MED12: variants seen among roughly 807,000 people sequenced by gnomAD.
The protein encoded by MED12 is mediator of RNA polymerase II transcription subunit 12.
A neutral mutation model predicts 177.7 loss-of-function variants in MED12; 10 were observed. That is an observed-to-expected ratio of 0.06 (90% CI 0.03 to 0.10). The LOEUF is 0.10. Ranked by LOEUF, MED12 falls within the 10% of genes least tolerant of loss-of-function variation. The probability of loss-of-function intolerance (pLI) is 1.00; values close to 1 mark genes in which losing one functional copy is unlikely to be tolerated. For missense variants in MED12, 867 were observed against 1,780.8 expected (o/e 0.49, Z 9.23); for synonymous variants, 641 against 678.4 (o/e 0.94, Z 0.86).
At chrX:71,132,783 CTCTT>C (rs2092321563) in intron 31 of MED12, 58 bp from the exon 32 acceptor site, 1 of 319,970 alleles carries the variant, frequency 3.1e-6, no homozygotes, top group East Asian at 4.4e-5. Context: ...CTCTTCTCTT[CTCTT>C]CTCTTCTCTT....
intron 21 of MED12, 119 bp from the exon 22 acceptor site, chrX:71,127,774 G>C: frequency 1.7e-6 from 1 of 575,844 alleles, no homozygotes. Context: ...CCCTTTTCTT[G>C]TCTCAAGATC....
rs1458589762 is a variant in MED12, at chrX:71,128,332, C to T, written c.3246C>T (p.Thr1082=). 7 of 1,209,804 alleles carry T rather than the reference C, an allele frequency of 5.8e-6. No individual in the cohort carries two copies. The highest frequency in any genetic ancestry group is 1.8e-5 in the African/African-American group (1 of 57,050). The change falls in exon 23 of 45, where the codon ACC becomes ACT. Residue 1082 remains threonine (T), a synonymous_variant. Transcript: ENST00000374080. ...TCGCAATCCTGTGTGCAGAGCTGACCGGCTATTGCAAGTCACTGAGTGCAG... is the reference window on the plus strand; with the variant it reads ...TCGCAATCCTGTGTGCAGAGCTGACTGGCTATTGCAAGTCACTGAGTGCAG... The part of the protein sequence containing the change: ...NDIAILCAEL[T]GYCKSLSAEW...
Position 71,127,071 on chromosome X carries a change from C to G in MED12, c.2788C>G (p.Leu930Val), listed in dbSNP as rs2147798232. 8.3e-7 allele frequency: 1 copy of G among 1,211,855 alleles called. No individual in the cohort carries two copies. Among genetic ancestry groups the G allele is most frequent in the Non-Finnish European group, 1.1e-6 (1 of 895,306 alleles). ...TSLCLCIVAV[L>V]RHYHACLILN... ...CCTGTGCCTGTGCATCGTGGCTGTC[C>G]TGCGGCACTATCATGCCTGCCTCAT... Residue 930 changes from leucine to valine, a missense_variant, in exon 20 of 45, where the codon CTG becomes GTG. By Grantham distance (32) the Leu-to-Val change is conservative. Around this residue, in one of 14 missense-constraint regions of MED12, gnomAD observed 70 missense variants for 143.6 expected, o/e 0.49. Coordinates refer to ENST00000374080, the MANE Select transcript of MED12 (RefSeq NM_005120.3).
At chrX:71,129,026 A>G (rs2092310137) in intron 24 of MED12, 88 bp from the exon 25 acceptor site, 2 of 720,632 alleles carry the variant, frequency 2.8e-6, no homozygotes, top group Non-Finnish European at 2.2e-6. Flanking sequence ...CCCCTGCCAT[A>G]CACTTGCATG....
chrX:71,118,888 G>A, intron 1 of MED12, 35 bp downstream of exon 1: 1 of 1,151,091 alleles, frequency 8.7e-7, no homozygotes, highest in Non-Finnish European at 1.2e-6. Flanking sequence ...GAGGGGCCGG[G>A]GGCACGCGGT....
rs1001346525 is a variant in MED12 at position 71,121,311 on chromosome X, C to T, written c.736-16C>T. The T allele has an allele frequency of 3.3e-6, 4 of 1,200,429 alleles. No homozygotes were observed. The African/African-American group carries it at 7.1e-5, about 21-fold the overall frequency. On this transcript the variant is annotated splice_polypyrimidine_tract_variant and intron_variant, in intron 5 of 44. Coordinates refer to ENST00000374080, the MANE Select transcript of MED12 (RefSeq NM_005120.3). Reference sequence around the variant, plus strand: ...CATCTCTAATAGTCCCCTCTTCCCTCCCCTGGTACCCATAGGATGGAATGC... The same window carrying T: ...CATCTCTAATAGTCCCCTCTTCCCTTCCCTGGTACCCATAGGATGGAATGC...
In MED12 at chrX:71,130,187, G is replaced by T; in HGVS notation, c.4020G>T (p.Gln1340His). The T allele has an allele frequency of 1.7e-6, 2 of 1,208,879 alleles. No individual in the cohort carries two copies. Among genetic ancestry groups the T allele is most frequent in the Non-Finnish European group, 2.2e-6 (2 of 894,025 alleles). Residue 1340 changes from glutamine to histidine, a missense_variant, in exon 28 of 45, where the codon CAG becomes CAT. Transcript: ENST00000374080. ...ACAATGAGGATGGGGAAAACCCCCA[G>T]CGGCAGCGCATAAAGCGCATTCTCC... ...LLDNEDGENPQRQRIKRILQN... is the reference protein window; with the variant it reads ...LLDNEDGENPHRQRIKRILQN...
Position 71,121,674 on chromosome X carries a change from T to C in MED12, c.959T>C (p.Ile320Thr). 5 of 1,211,494 alleles carry C rather than the reference T, an allele frequency of 4.1e-6. No homozygotes were observed. The highest frequency in any genetic ancestry group is 5.6e-6 in the Non-Finnish European group (5 of 895,468). ...GTGAGCAGTCACTCATCTCATGTTA[T>C]ATCTGCTCAGTCAACAAGCACGCTA... ...DGVSSHSSHVISAQSTSTLPT... is the reference protein window; with the variant it reads ...DGVSSHSSHVTSAQSTSTLPT... The change falls in exon 7 of 45, where the codon ATA (isoleucine) becomes ACA (threonine). Residue 320 changes from isoleucine (I) to threonine (T), a missense_variant. Transcript: ENST00000374080.
At chrX:71,135,509 C>A (rs951491495) in intron 36 of MED12, among the ~76,000 whole-genome samples, 5 of 110,979 alleles carry the variant, frequency 4.5e-5, no homozygotes, top group African/African-American at 1.6e-4. Context: ...AATACCCTAC[C>A]CTCCTCTTTC....
At chrX:71,119,537 C>A (rs955962093) in intron 2 of MED12, 60 bp downstream of exon 2, 2 of 1,107,012 alleles carry the variant, frequency 1.8e-6, no homozygotes, top group African/African-American at 1.8e-5. Context: ...GGAGCAAAGG[C>A]CCTGGGTTGG....
chrX:71,133,215 GAGA>G lies in MED12; in HGVS notation c.4617+6_4617+8del. The G allele has an allele frequency of 1.7e-6, 2 of 1,174,900 alleles. No homozygotes were observed. Among genetic ancestry groups the G allele is most frequent in the Non-Finnish European group, 2.3e-6 (2 of 862,022 alleles). ...CACTCAAACTGCGGCTCAACCTGGT[GAGA>G]AGGCCAGCTGGGGAGAAGAAGGAAG... On this transcript the variant is annotated splice_donor_5th_base_variant and intron_variant, in intron 33 of 44. Transcript: ENST00000374080.
In MED12 at chrX:71,125,476, C is replaced by T. The variant is rs748753383; in HGVS notation, c.2352C>T (p.Arg784=). ...AGGATATCTTGAAGGTTCTGAACCG[C>T]AAAGGGACAGCAGAAACTGGTGGGT... ...ITKDILKVLN[R]KGTAETDQLA... is the part of the protein sequence containing the mutation. Residue 784 remains arginine (R), a synonymous_variant, in exon 16 of 45, where the codon CGC becomes CGT. Transcript: ENST00000374080. The T allele has an allele frequency of 8.3e-7, 1 of 1,210,950 alleles. No individual in the cohort carries two copies. The highest frequency in any genetic ancestry group is 2.2e-5 in the Admixed American group (1 of 45,983).
At chrX:71,137,135 G>T (rs369948433) in intron 38 of MED12, 52 bp from the exon 39 acceptor site, 3 of 1,198,522 alleles carry the variant, frequency 2.5e-6, no homozygotes, top group Admixed American at 2.2e-5. Flanking sequence ...AGGACACTGA[G>T]CAAGAGACAG....
In MED12 at chrX:71,134,867, G is replaced by A. The variant is rs1396684605; in HGVS notation, c.4863+19G>A. On this transcript the variant is annotated intron_variant, in intron 35 of 44. Transcript: ENST00000374080. ...GTTGCAGGTAAGCAGAGGAAGCGGGGGCAAGGTTTGCGGTTACTGGAATCT... is the reference window on the plus strand; with the variant it reads ...GTTGCAGGTAAGCAGAGGAAGCGGGAGCAAGGTTTGCGGTTACTGGAATCT... The A allele has an allele frequency of 2.3e-5, 28 of 1,208,512 alleles. No individual in the cohort carries two copies. The highest frequency in any genetic ancestry group is 3.0e-5 in the Non-Finnish European group (27 of 894,960).
intron 1 of MED12, 66 bp downstream of exon 1, chrX:71,118,919 A>C: frequency 1.1e-6 from 1 of 950,121 alleles, no homozygotes; most frequent in Non-Finnish European, 1.5e-6. Context: ...GGAGGCACTG[A>C]CGGCTGGGAA....
intron 28 of MED12, 144 bp downstream of exon 28, chrX:71,130,358 A>G: frequency 1.7e-6 from 1 of 604,549 alleles, no homozygotes; most frequent in Admixed American, 3.5e-5. Flanking sequence ...TAGCGAGAGA[A>G]ACAGCTCCAG....
Position 71,120,073 on chromosome X carries a change from T to C in MED12, c.456T>C (p.Pro152=). Residue 152 remains proline (P), a synonymous_variant, in exon 4 of 45, where the codon CCT becomes CCC. Transcript: ENST00000374080. ...GGTACTTAGCCAAATACACAGTGCC[T>C]GTGATGCGGGCTGCCTGGCTCATTA... ...VFGYLAKYTV[P]VMRAAWLIKM... is the part of the protein sequence containing the mutation. 8.3e-7 allele frequency: 1 copy of C among 1,211,508 alleles called. No homozygotes were observed. Among genetic ancestry groups the C allele is most frequent in the Admixed American group, 2.2e-5 (1 of 46,033 alleles).
chrX:71,129,839 G>A lies in MED12; in HGVS notation c.3851G>A (p.Arg1284His), dbSNP rs979229015. Residue 1284 changes from arginine (R) to histidine (H), a missense_variant, in exon 27 of 45, where the codon CGC (arginine) becomes CAC (histidine). Physicochemically the swap from Arg to His is conservative, Grantham distance 29 (BLOSUM62 0). Transcript: ENST00000374080. ...SLDVYAKYVL[R>H]SICQQEWVGE... ...GATGTCTATGCCAAGTACGTGCTGC[G>A]CAGCATCTGCCAACAGGTCAGTTTC... 3.3e-6 allele frequency: 4 copies of A among 1,211,528 alleles called. No homozygotes were observed. Among genetic ancestry groups the A allele is most frequent in the Non-Finnish European group, 4.5e-6 (4 of 895,324 alleles).
In MED12 at chrX:71,135,325, T is replaced by C. The variant is rs73634863; in HGVS notation, c.5025+72T>C. The C allele has an allele frequency of 1.3e-3, 1,482 of 1,119,902 alleles. 20 individuals carry two copies. The African/African-American group carries it at 0.024, about 18-fold the overall frequency. The allele number at this position is 1,119,902 out of a possible 1,213,427, so 92.3% of individuals were successfully genotyped here. ...GGCAAGAACTTTGCCTGCATCAGCT[T>C]TGTAGCTCCAACAGACTCATCAGAT... On this transcript the variant is annotated intron_variant, in intron 36 of 44. Coordinates refer to ENST00000374080, the MANE Select transcript of MED12 (RefSeq NM_005120.3).
Sources: gnomAD v4.1 joint callset for allele counts (sites outside exome capture counted in the v4.1 genomes callset) on GRCh38, gnomAD v4.1.1 for gene constraint, gnomAD v4.1.1 regional missense constraint, MANE v1.5 for transcripts, NCBI Gene and HGNC (gene_info 2026-07-23, HGNC 2026-07-21) for gene names.